Variants in STXBP5L observed in about 807,000 individuals in gnomAD.
STXBP5L encodes syntaxin binding protein 5L.
Under a neutral mutation model 144.5 loss-of-function variants are expected in STXBP5L, and 65 were observed. The observed-to-expected ratio is 0.45, with a 90% CI of 0.37 to 0.55. The LOEUF is 0.55. Ranked by LOEUF, STXBP5L falls within the 20% of genes least tolerant of loss-of-function variation. STXBP5L has a pLI of 0.00. For synonymous variants in STXBP5L, 505 were observed against 469.6 expected (o/e 1.08, Z -0.97); for missense variants, 1,298 against 1,405.5 (o/e 0.92, Z 1.22).
At chr3:121,319,547 T>C (rs936750478) in intron 20 of STXBP5L, among the ~76,000 whole-genome samples, 26 of 152,172 alleles carry the variant, frequency 1.7e-4, no homozygotes, top group African/African-American at 5.8e-4. Flanking sequence ...CTGATCTTAT[T>C]GTAAAGACTG....
chr3:121,177,637 G>A (rs1023110675), intron 9 of STXBP5L, among the ~76,000 whole-genome samples: 1 of 152,288 alleles, frequency 6.6e-6, no homozygotes, highest in East Asian at 1.9e-4. Flanking sequence ...ACAAATGTTA[G>A]CAAGAATGTG....
At chr3:121,181,432 T>G (rs1404828366) in intron 9 of STXBP5L, among the ~76,000 whole-genome samples, 1 of 152,182 alleles carries the variant, frequency 6.6e-6, no homozygotes, top group African/African-American at 2.4e-5. Context: ...AATGGCAGAA[T>G]GGATAAAACC....
intron 20 of STXBP5L, among the ~76,000 whole-genome samples, chr3:121,338,592 CAAAA>C (rs112967595): frequency 3.0e-5 from 3 of 101,670 alleles, no homozygotes; most frequent in Admixed American, 1.2e-4. Context: ...GCATTTCTGT[CAAAA>C]AAAAAAAAAA....
At chr3:121,343,942 TC>T (rs2044839573) in intron 20 of STXBP5L, among the ~76,000 whole-genome samples, 1 of 151,928 alleles carries the variant, frequency 6.6e-6, no homozygotes, top group Non-Finnish European at 1.5e-5. Context: ...CATCACCAAG[TC>T]AATCCTAAGC....
chr3:121,089,933 T>G (rs2042696677), intron 5 of STXBP5L, among the ~76,000 whole-genome samples: 1 of 152,128 alleles, frequency 6.6e-6, no homozygotes, highest in African/African-American at 2.4e-5. Context: ...TTCTTTTTAC[T>G]TACTTTTTCT....
chr3:121,204,886 T>C (rs997039810), intron 9 of STXBP5L, among the ~76,000 whole-genome samples: 12 of 152,164 alleles, frequency 7.9e-5, no homozygotes, highest in Non-Finnish European at 1.3e-4. Context: ...TTATTCAAAA[T>C]CTTAGGGAGT....
chr3:121,123,290 CAT>C (rs1179300266), intron 7 of STXBP5L, among the ~76,000 whole-genome samples: 2 of 151,532 alleles, frequency 1.3e-5, no homozygotes, highest in African/African-American at 2.4e-5. Flanking sequence ...ACATTTAAAA[CAT>C]ATATTCGTTT....
intron 23 of STXBP5L, 127 bp from the exon 24 acceptor site, chr3:121,413,031 A>T: frequency 1.2e-6 from 1 of 835,756 alleles, no homozygotes. Context: ...CTGTCTCAAA[A>T]AAATATAAAA....
intron 3 of STXBP5L, among the ~76,000 whole-genome samples, chr3:121,012,429 C>A (rs113397032): frequency 0.017 from 2,509 of 151,886 alleles, 64 homozygotes; most frequent in African/African-American, 0.057. Flanking sequence ...ACATTCCCAC[C>A]AGCAATGTGT....
At chr3:121,018,960 C>T (rs1945344312) in intron 3 of STXBP5L, among the ~76,000 whole-genome samples, 1 of 152,188 alleles carries the variant, frequency 6.6e-6, no homozygotes, top group Admixed American at 6.5e-5. Context: ...AGCTTAGAGG[C>T]TTGTAGCCTG....
intron 2 of STXBP5L, among the ~76,000 whole-genome samples, chr3:120,938,306 G>A (rs889999961): frequency 5.3e-5 from 8 of 151,910 alleles, no homozygotes; most frequent in African/African-American, 1.9e-4. Flanking sequence ...ATTCTATTAA[G>A]CATCCTGGCT....
intron 5 of STXBP5L, among the ~76,000 whole-genome samples, chr3:121,093,357 C>T (rs1402510919): frequency 1.3e-5 from 2 of 152,108 alleles, no homozygotes; most frequent in African/African-American, 4.8e-5. Context: ...GTACCAGTTC[C>T]TCCTTGTACC....
chr3:121,025,124 A>G (rs1225555986), intron 3 of STXBP5L, among the ~76,000 whole-genome samples: 2 of 152,190 alleles, frequency 1.3e-5, no homozygotes, highest in African/African-American at 4.8e-5. Flanking sequence ...AACTCAATTA[A>G]TAAGAGAAGT....
intron 3 of STXBP5L, among the ~76,000 whole-genome samples, chr3:120,965,960 A>G (rs890105404): frequency 9.9e-5 from 15 of 152,250 alleles, no homozygotes; most frequent in African/African-American, 2.9e-4. Flanking sequence ...TATTTCTTAA[A>G]GGCTTTGTTC....
intron 1 of STXBP5L, 146 bp from the exon 2 acceptor site, chr3:120,909,425 C>T: frequency 1.5e-6 from 1 of 684,788 alleles, no homozygotes; most frequent in Non-Finnish European, 2.3e-6. Flanking sequence ...AAAACGAATC[C>T]TGACTCTTTT....
At chr3:121,326,677 C>T (rs534951946) in intron 20 of STXBP5L, among the ~76,000 whole-genome samples, 46 of 151,840 alleles carry the variant, frequency 3.0e-4, no homozygotes, top group Middle Eastern at 3.4e-3. Context: ...TTGACCTTAC[C>T]CTCTCACTTT....
chr3:121,302,057 G>A (rs902370194), intron 19 of STXBP5L, among the ~76,000 whole-genome samples: 15 of 152,196 alleles, frequency 9.9e-5, no homozygotes, highest in South Asian at 6.2e-4. Context: ...GATGCTGGCC[G>A]CATAAAATGA....
intron 2 of STXBP5L, among the ~76,000 whole-genome samples, chr3:120,933,660 C>G (rs184668962): frequency 1.3e-5 from 2 of 152,058 alleles, no homozygotes; most frequent in South Asian, 4.1e-4. Context: ...AGGAATCTGT[C>G]TAAAAATTGT....
At chr3:121,169,994 G>C (rs570688836) in intron 9 of STXBP5L, among the ~76,000 whole-genome samples, 5 of 152,108 alleles carry the variant, frequency 3.3e-5, no homozygotes, top group African/African-American at 1.2e-4. Flanking sequence ...ATAACAAACA[G>C]TCTCTCAGAC....
Sources: allele counts gnomAD v4.1 joint callset (sites outside exome capture counted in the v4.1 genomes callset), GRCh38; gene constraint gnomAD v4.1.1; transcripts MANE v1.5; gene names NCBI Gene and HGNC (gene_info 2026-07-23, HGNC 2026-07-21).